Variants in SH3D19 observed in about 807,000 individuals in gnomAD.
SH3D19 encodes SH3 domain-containing protein 19.
In SH3D19, 58 loss-of-function variants were observed where a neutral mutation model predicts 112.1. The ratio of observed to expected loss-of-function variants is 0.52; its 90% confidence interval spans 0.42 to 0.64. The LOEUF (loss-of-function observed/expected upper bound fraction) is 0.64, where lower values mean the gene tolerates loss of function less well. Ranked by LOEUF, SH3D19 falls within the 30% of genes least tolerant of loss-of-function variation. The pLI, the probability that SH3D19 is intolerant of heterozygous loss-of-function variation, is 0.00. For missense variants in SH3D19, 1,090 were observed against 1,263.4 expected (o/e 0.86, Z 2.08); for synonymous variants, 391 against 448.5 (o/e 0.87, Z 1.62).
chr4:151,172,386 G>A (rs1024137546), intron 7 of SH3D19, among the ~76,000 whole-genome samples: 1 of 152,134 alleles, frequency 6.6e-6, no homozygotes, highest in Non-Finnish European at 1.5e-5. Context: ...GCCACAGTAT[G>A]GATTGTGATA....
At chr4:151,295,584 T>C (rs1024840977) in intron 1 of SH3D19, among the ~76,000 whole-genome samples, 2 of 152,222 alleles carry the variant, frequency 1.3e-5, no homozygotes, top group African/African-American at 2.4e-5. Context: ...TTCAGACAAG[T>C]GTTCTGATTT....
intron 2 of SH3D19, among the ~76,000 whole-genome samples, chr4:151,200,959 T>C (rs1364378545): frequency 6.6e-6 from 1 of 152,250 alleles, no homozygotes; most frequent in Non-Finnish European, 1.5e-5. Context: ...TTTATCAGCA[T>C]ACCACTGCAC....
At chr4:151,282,500 G>T in intron 1 of SH3D19, 1 of 1,413,486 alleles carries the variant, frequency 7.1e-7, no homozygotes, top group Non-Finnish European at 9.6e-7. Context: ...CCTTACCATG[G>T]AAAATATTTT....
intron 1 of SH3D19, among the ~76,000 whole-genome samples, chr4:151,267,978 C>T (rs1201391772): frequency 6.6e-6 from 1 of 152,156 alleles, no homozygotes; most frequent in Non-Finnish European, 1.5e-5. Context: ...AGGCTTGGCC[C>T]TGACATAACA....
At chr4:151,258,989 A>G (rs1168013649) in intron 1 of SH3D19, among the ~76,000 whole-genome samples, 1 of 152,076 alleles carries the variant, frequency 6.6e-6, no homozygotes, top group Non-Finnish European at 1.5e-5. Context: ...CAGACTAGGA[A>G]AGGCTGCACA....
chr4:151,226,238 C>T (rs544536671), intron 1 of SH3D19, 152 bp from the exon 2 acceptor site: 63 of 1,224,020 alleles, frequency 5.1e-5, no homozygotes, highest in African/African-American at 2.3e-4. Context: ...CATCACAGTT[C>T]GCCTGACAGA....
intron 4 of SH3D19, among the ~76,000 whole-genome samples, chr4:151,177,474 G>C (rs1038652251): frequency 2.0e-5 from 3 of 151,922 alleles, no homozygotes; most frequent in African/African-American, 7.3e-5. Flanking sequence ...TCAGCCTCCC[G>C]AGCAGCTGGG....
chr4:151,132,965 A>T (rs1468830101), intron 16 of SH3D19, 69 bp downstream of exon 16: 1 of 1,256,688 alleles, frequency 8.0e-7, no homozygotes, highest in African/African-American at 1.5e-5. Context: ...ATACAGCTTA[A>T]GTATAATGAT....
chr4:151,278,674 A>G (rs1057272092), intron 1 of SH3D19, among the ~76,000 whole-genome samples: 5 of 151,910 alleles, frequency 3.3e-5, no homozygotes, highest in Non-Finnish European at 7.4e-5. Flanking sequence ...TCTCTCGCCC[A>G]GGCTGGAGTG....
chr4:151,302,881 G>C (rs1011942733), intron 1 of SH3D19, among the ~76,000 whole-genome samples: 2 of 151,938 alleles, frequency 1.3e-5, no homozygotes, highest in African/African-American at 4.8e-5. Flanking sequence ...GGTGGGGGAA[G>C]GGGGGAGGGA....
At chr4:151,254,016 T>C (rs7663659) in intron 1 of SH3D19, among the ~76,000 whole-genome samples, 47,205 of 151,988 alleles carry the variant, frequency 0.31, 9,094 homozygotes, top group Non-Finnish European at 0.44. Context: ...GACAAGAAAA[T>C]AGAAGTGACG....
intron 2 of SH3D19, among the ~76,000 whole-genome samples, chr4:151,202,148 A>G (rs1215678939): frequency 6.6e-6 from 1 of 152,162 alleles, no homozygotes; most frequent in Non-Finnish European, 1.5e-5. Flanking sequence ...ATCCTGGTTA[A>G]CACGGTGAAA....
chr4:151,134,986 C>T (rs150520488), intron 15 of SH3D19, 88 bp downstream of exon 15: 2 of 1,112,542 alleles, frequency 1.8e-6, no homozygotes, highest in African/African-American at 3.2e-5. Flanking sequence ...CATGCCTGGC[C>T]TTGGAGTGTT....
chr4:151,191,033 T>C (rs1304416228), intron 2 of SH3D19, among the ~76,000 whole-genome samples: 1 of 152,196 alleles, frequency 6.6e-6, no homozygotes, highest in East Asian at 1.9e-4. Context: ...ATGACCTGGA[T>C]CGTTTTGGAC....
chr4:151,139,972 G>T, intron 12 of SH3D19, 125 bp from the exon 13 acceptor site: 1 of 691,426 alleles, frequency 1.4e-6, no homozygotes. Context: ...ATGAGTACAT[G>T]ATGCAAACCA....
At chr4:151,137,586 A>T in intron 14 of SH3D19, 146 bp downstream of exon 14, 1 of 602,414 alleles carries the variant, frequency 1.7e-6, no homozygotes, top group Non-Finnish European at 2.7e-6. Flanking sequence ...CTAGTTGACC[A>T]AATCTTTATT....
intron 2 of SH3D19, among the ~76,000 whole-genome samples, chr4:151,195,230 G>T (rs1763246481): frequency 1.3e-5 from 2 of 151,242 alleles, no homozygotes; most frequent in African/African-American, 4.9e-5. Context: ...AAATTAGCCG[G>T]GCATGATGGC....
chr4:151,291,175 G>T, intron 1 of SH3D19: 4 of 1,613,924 alleles, frequency 2.5e-6, no homozygotes, highest in Non-Finnish European at 3.4e-6. Flanking sequence ...CCAGACAGGA[G>T]TAGTAAGCTG....
At chr4:151,181,416 A>G (rs548724381) in intron 3 of SH3D19, among the ~76,000 whole-genome samples, 1 of 152,282 alleles carries the variant, frequency 6.6e-6, no homozygotes, top group East Asian at 1.9e-4. Context: ...CAAACCTCTA[A>G]GATCTGAAAC....
Sources: allele counts gnomAD v4.1 joint callset (sites outside exome capture counted in the v4.1 genomes callset), GRCh38; gene constraint gnomAD v4.1.1; transcripts MANE v1.5; gene names NCBI Gene and HGNC (gene_info 2026-07-23, HGNC 2026-07-21).